KANK3: variants seen among roughly 807,000 people sequenced by gnomAD.
KANK3 encodes the protein KN motif and ankyrin repeat domains 3.
In KANK3, 61 loss-of-function variants were observed where a neutral mutation model predicts 65.4. The observed-to-expected ratio is 0.93, with a 90% CI of 0.76 to 1.15. The LOEUF (loss-of-function observed/expected upper bound fraction) is 1.15. Ranked by LOEUF, KANK3 falls within the 50% of genes most tolerant of loss-of-function variation. The pLI is 0.00. For synonymous variants in KANK3, 586 were observed against 543.3 expected, an observed-to-expected ratio of 1.08 and a Z score of -1.09; for missense variants, 1,187 against 1,178.8, an observed-to-expected ratio of 1.01 and a Z score of -0.10.
rs1167515997 is a variant in KANK3 at position 8,333,614 on chromosome 19, G to A, written c.1719+110C>T. ...CCCTTCGGAGAGCCTGGGGTCAGGCGAGGTGCCTGGCGGGAAGGGATGGAA... is the reference window on the plus strand; with the variant it reads ...CCCTTCGGAGAGCCTGGGGTCAGGCAAGGTGCCTGGCGGGAAGGGATGGAA... On this transcript the variant is annotated intron_variant, in intron 6 of 10. Transcript: ENST00000330915. The surrounding 1 kb of genome is among the most constrained non-coding windows in gnomAD (Gnocchi z 5.0). 2 of 852,730 alleles carry A rather than the reference G, an allele frequency of 2.3e-6. No homozygotes were observed. Among genetic ancestry groups the A allele is most frequent in the Non-Finnish European group, 3.4e-6 (2 of 581,264 alleles). The allele number at this position is 852,730 out of a possible 1,614,324, so 52.8% of individuals were successfully genotyped here.
chr19:8,331,430 TGCAGGGATG>T (rs1970523243), intron 7 of KANK3, among the ~76,000 whole-genome samples: 1 of 152,056 alleles, frequency 6.6e-6, no homozygotes, highest in Non-Finnish European at 1.5e-5. Flanking sequence ...CATAAAGACC[TGCAGGGATG>T]GGAGGGATCT....
rs777022163 is a variant in KANK3 at position 8,333,220 on chromosome 19, C to G, written c.1730G>C (p.Arg577Pro). ...TCGAAACCACTCCTGGGCCACGAGG[C>G]GCACTGCGCCCTGCAAGGGACAGGG... ...RGVASDGGAV[R>P]LVAQEWFRVS... is the part of the protein sequence containing the mutation. Residue 577 changes from arginine (R) to proline (P), a missense_variant, in exon 7 of 11, where the codon CGC becomes CCC. Physicochemically the swap from Arg to Pro is moderately radical, Grantham distance 103. This residue lies in a region of KANK3 where 1,078 missense variants were observed against 1,038.2 expected (regional missense o/e 1.04). Transcript: ENST00000330915. This position sits in a 1 kb window ranked among gnomAD's most constrained non-coding sequence, Gnocchi z 5.0. The G allele has an allele frequency of 6.2e-7, 1 of 1,610,546 alleles. No homozygotes were observed. Among genetic ancestry groups the G allele is most frequent in the Non-Finnish European group, 8.5e-7 (1 of 1,179,218 alleles).
rs781649268 is a variant in KANK3 at position 8,325,037 on chromosome 19, G to A, written c.1996C>T (p.Leu666Phe). 2 of 1,613,868 alleles carry A rather than the reference G, an allele frequency of 1.2e-6. No homozygotes were observed. The highest frequency in any genetic ancestry group is 1.7e-6 in the Non-Finnish European group (2 of 1,180,002). The change falls in exon 8 of 11, where the codon CTC becomes TTC. Residue 666 changes from leucine (L) to phenylalanine (F), a missense_variant. By Grantham distance (22) the Leu-to-Phe change is conservative. Transcript: ENST00000330915. ...AGYSALMLAALTSVRQEEEDM... is the reference protein window; with the variant it reads ...AGYSALMLAAFTSVRQEEEDM... Reference sequence around the variant, plus strand: ...TCCTCTTCCTGCCTCACAGAGGTGAGTGCAGCCAGCATGAGGGCCGAGTAG... The same window carrying A: ...TCCTCTTCCTGCCTCACAGAGGTGAATGCAGCCAGCATGAGGGCCGAGTAG...
intron 7 of KANK3, among the ~76,000 whole-genome samples, 200 bp from the exon 8 acceptor site, chr19:8,325,296 C>CTTTTTTT (rs573315741): frequency 0.056 from 4,355 of 78,456 alleles, 561 homozygotes; most frequent in Non-Finnish European, 0.077. Context: ...CCTGTTTCAT[C>CTTTTTTT]TTTTTTTTTT....
intron 10 of KANK3, 156 bp from the exon 11 acceptor site, chr19:8,323,078 G>A (rs1970351993): frequency 1.6e-5 from 8 of 488,604 alleles, no homozygotes; most frequent in Admixed American, 3.8e-5. Flanking sequence ...TGGAAGAGGC[G>A]CTTGACCTTC....
rs1459660420 is a variant in KANK3 at position 8,334,705 on chromosome 19, G to C, written c.1122C>G (p.Gly374=). 2.5e-5 allele frequency: 38 copies of C among 1,531,848 alleles called. No individual in the cohort carries two copies. The highest frequency in any genetic ancestry group is 3.2e-5 in the Non-Finnish European group (37 of 1,145,844). The allele number at this position is 1,531,848 out of a possible 1,614,324, so 94.9% of individuals were successfully genotyped here. ...GGGCTTCCTCCAGCTCCCGCAACCG[G>C]CCCCGCAGAAGCTCACTCACCCCGC... ...HQRGVSELLR[G]RLRELEEARE... is the part of the protein sequence containing the mutation. The change falls in exon 3 of 11, where the codon GGC becomes GGG. Residue 374 remains glycine (G), a synonymous_variant. Transcript: ENST00000330915.
chr19:8,330,964 G>A (rs146261574), intron 7 of KANK3, among the ~76,000 whole-genome samples: 7 of 151,952 alleles, frequency 4.6e-5, no homozygotes, highest in African/African-American at 7.3e-5. Flanking sequence ...TTGGGAGGCC[G>A]AGGCAGGCAG....
intron 7 of KANK3, among the ~76,000 whole-genome samples, chr19:8,331,236 T>A (rs1302470509): frequency 6.6e-6 from 1 of 151,472 alleles, no homozygotes; most frequent in East Asian, 1.9e-4. Context: ...GGGATTCAAA[T>A]GTAGGAGATA....
At chr19:8,336,656 C>G (rs1203217814) in intron 2 of KANK3, among the ~76,000 whole-genome samples, 3 of 148,520 alleles carry the variant, frequency 2.0e-5, no homozygotes, top group Non-Finnish European at 4.4e-5. Flanking sequence ...GGGAGGATCA[C>G]TTGAGCCTGG....
Position 8,333,112 on chromosome 19 carries a change from G to A in KANK3, c.1838C>T (p.Ala613Val), listed in dbSNP as rs576440651. ...GCCATCCGCCAGGTTCACCACGTGC[G>A]CCAGCAGTTCGGGTCCCAGGCGCCT... ...GVRRLGPELL[A>V]HVVNLADGNG... is the part of the protein sequence containing the mutation. Residue 613 changes from alanine to valine, a missense_variant, in exon 7 of 11, where the codon GCG (alanine) becomes GTG (valine). Ala to Val is a moderately conservative substitution (Grantham distance 64). Transcript: ENST00000330915. This position sits in a 1 kb window ranked among gnomAD's most constrained non-coding sequence, Gnocchi z 5.0. The A allele has an allele frequency of 6.2e-6, 10 of 1,613,036 alleles. No individual in the cohort carries two copies. In the South Asian group the frequency reaches 1.1e-4, roughly 18 times the overall value.
intron 7 of KANK3, 131 bp from the exon 8 acceptor site, chr19:8,325,227 A>G: frequency 1.1e-6 from 1 of 891,912 alleles, no homozygotes; most frequent in South Asian, 1.9e-5. Flanking sequence ...CACAATAGCT[A>G]CCTGGTTCCT....
chr19:8,325,763 A>G (rs1599640862), intron 7 of KANK3, among the ~76,000 whole-genome samples: 1 of 152,164 alleles, frequency 6.6e-6, no homozygotes, highest in East Asian at 1.9e-4. Context: ...GCTCCCCTAA[A>G]GAACAGTGCC....
chr19:8,327,168 A>G (rs1291301901), intron 7 of KANK3, among the ~76,000 whole-genome samples: 2 of 152,138 alleles, frequency 1.3e-5, no homozygotes, highest in African/African-American at 4.8e-5. Flanking sequence ...AGGAGAGCTG[A>G]GATGAGGGAC....
chr19:8,334,387 C>A lies in KANK3; in HGVS notation c.1360G>T (p.Gly454Cys). 1 of 1,614,084 alleles carries A rather than the reference C, an allele frequency of 6.2e-7. No homozygotes were observed. The highest frequency in any genetic ancestry group is 8.5e-7 in the Non-Finnish European group (1 of 1,180,014). The change falls in exon 4 of 11, where the codon GGC becomes TGC. Residue 454 changes from glycine (G) to cysteine (C), a missense_variant. Gly to Cys is a radical substitution (Grantham distance 159). Around this residue, in one of 3 missense-constraint regions of KANK3, gnomAD observed 1,078 missense variants for 1,038.2 expected, o/e 1.04. Transcript: ENST00000330915. ...ILKSIMKKRD[G>C]TPGAQPSSGP... ...GAGCTGGGTTGGGCACCAGGTGTGC[C>A]GTCTCTCTTCTTCATGATGGATTTG...
In KANK3 at chr19:8,334,486, G is replaced by A. The variant is rs773342563; in HGVS notation, c.1327+14C>T. ...CCGAGTAAGCCAGGGCCCAGCGACG[G>A]GGTCGGGACTCACCCGCGGGCGCCA... On this transcript the variant is annotated intron_variant, in intron 3 of 10. Transcript: ENST00000330915. The A allele has an allele frequency of 6.2e-7, 1 of 1,607,378 alleles. No individual in the cohort carries two copies. Among genetic ancestry groups the A allele is most frequent in the South Asian group, 1.1e-5 (1 of 91,010 alleles).
intron 1 of KANK3, among the ~76,000 whole-genome samples, chr19:8,338,760 A>T (rs1407979936): frequency 6.6e-6 from 1 of 151,280 alleles, no homozygotes; most frequent in East Asian, 2.0e-4. Flanking sequence ...CTGTAGTCCC[A>T]GCTACTCGGG....
rs116666311 is a variant in KANK3, at chr19:8,333,385, C to A, written c.1720-155G>T. On this transcript the variant is annotated intron_variant, in intron 6 of 10. Coordinates refer to ENST00000330915, the MANE Select transcript of KANK3 (RefSeq NM_198471.3). This position sits in a 1 kb window ranked among gnomAD's most constrained non-coding sequence, Gnocchi z 5.0. ...TCGTCCAGGTGGGGAGCCATGCGAA[C>A]CCAGATGGAGGGCTGGGGCCACACC... Among the ~76,000 whole-genome samples the A allele has an allele frequency of 6.6e-5, 10 of 152,328 alleles. No homozygotes were observed. The highest frequency in any genetic ancestry group is 4.1e-4 in the South Asian group (2 of 4,828).
intron 1 of KANK3, among the ~76,000 whole-genome samples, chr19:8,342,750 C>G (rs1568206533): frequency 1.3e-5 from 2 of 152,212 alleles, no homozygotes; most frequent in Admixed American, 6.5e-5. Context: ...ACCCCCAGGT[C>G]GTCCTAGCCG....
At chr19:8,328,645 CA>C (rs1267946046) in intron 7 of KANK3, among the ~76,000 whole-genome samples, 1 of 151,980 alleles carries the variant, frequency 6.6e-6, no homozygotes, top group African/African-American at 2.4e-5. Context: ...ATTGTCCCCG[CA>C]AGGTCCAAGG....
Sources: gnomAD v4.1 joint callset for allele counts (sites outside exome capture counted in the v4.1 genomes callset) on GRCh38, gnomAD v4.1.1 for gene constraint, gnomAD v4.1.1 regional missense constraint, Gnocchi (gnomAD v3.1) non-coding constraint, MANE v1.5 for transcripts, NCBI Gene and HGNC (gene_info 2026-07-23, HGNC 2026-07-21) for gene names.